The following COL21A1 variants were observed in gnomAD, a reference collection of about 807,000 sequenced individuals.
COL21A1 encodes collagen alpha-1(XXI) chain.
In COL21A1, 149 loss-of-function variants were observed where a neutral mutation model predicts 137.9. That is an observed-to-expected ratio of 1.08 (90% CI 0.95 to 1.24). The LOEUF is 1.24. COL21A1 is among the 50% of genes most tolerant of loss of function. The pLI is 0.00. For synonymous variants in COL21A1, 456 were observed against 391.5 expected (o/e 1.16, Z -1.95); for missense variants, 1,167 against 1,158.4 (o/e 1.01, Z -0.11).
chr6:56,058,519 C>T (rs192386479), intron 29 of COL21A1, among the ~76,000 whole-genome samples: 12 of 152,284 alleles, frequency 7.9e-5, no homozygotes, highest in Admixed American at 2.6e-4. Context: ...TACTCCTCTA[C>T]TCCCTGCTAC....
intron 16 of COL21A1, 60 bp from the exon 17 acceptor site, chr6:56,101,585 T>TTCTCTGC: frequency 9.2e-7 from 1 of 1,082,838 alleles, no homozygotes; most frequent in Non-Finnish European, 1.4e-6. Flanking sequence ...CTTACCAAAA[T>TTCTCTGC]AACAATATAT....
intron 1 of COL21A1, among the ~76,000 whole-genome samples, chr6:56,233,055 A>G (rs1489329209): frequency 6.6e-6 from 1 of 151,852 alleles, no homozygotes; most frequent in Non-Finnish European, 1.5e-5. Flanking sequence ...AATGAGGAAG[A>G]GTGGCCTCTT....
At chr6:56,060,422 A>G (rs1397184997) in intron 27 of COL21A1, 1 of 527,234 alleles carries the variant, frequency 1.9e-6, no homozygotes, top group East Asian at 3.4e-5. Flanking sequence ...CAATTGCTTA[A>G]AATAGGGGAA....
chr6:56,135,599 G>T (rs1773938317), intron 12 of COL21A1, among the ~76,000 whole-genome samples: 1 of 151,956 alleles, frequency 6.6e-6, no homozygotes, highest in South Asian at 2.1e-4. Context: ...TCACTTCCGA[G>T]GACTTTTCCT....
chr6:56,280,750 C>G (rs1224668616), intron 1 of COL21A1, among the ~76,000 whole-genome samples: 1 of 152,126 alleles, frequency 6.6e-6, no homozygotes, highest in Non-Finnish European at 1.5e-5. Context: ...CAGTGGCTCA[C>G]GACTATAATC....
intron 1 of COL21A1, among the ~76,000 whole-genome samples, chr6:56,325,228 A>G: frequency 4.3e-5 from 1 of 23,184 alleles, no homozygotes; most frequent in African/African-American, 1.3e-4. Flanking sequence ...CATGAACCTA[A>G]GATGAGGAAA....
chr6:56,161,100 C>A (rs1046101079), intron 9 of COL21A1, among the ~76,000 whole-genome samples: 1 of 152,128 alleles, frequency 6.6e-6, no homozygotes. Context: ...TTTCCAAAGG[C>A]TTTTGTGTTT....
At chr6:56,291,472 T>C (rs1388558709) in intron 1 of COL21A1, among the ~76,000 whole-genome samples, 2 of 152,220 alleles carry the variant, frequency 1.3e-5, no homozygotes, top group Non-Finnish European at 2.9e-5. Context: ...CTTCTCCCAC[T>C]TCTGGCCTTG....
At chr6:56,328,808 T>C (rs1765157924) in intron 1 of COL21A1, among the ~76,000 whole-genome samples, 1 of 151,856 alleles carries the variant, frequency 6.6e-6, no homozygotes, top group Admixed American at 6.6e-5. Context: ...GGGAGAAAAA[T>C]ACTAACTGGC....
At chr6:56,104,817 T>C (rs565587520) in intron 16 of COL21A1, among the ~76,000 whole-genome samples, 2 of 152,318 alleles carry the variant, frequency 1.3e-5, no homozygotes, top group East Asian at 3.9e-4. Context: ...TTGCATTCCA[T>C]GTGTATTTCC....
chr6:56,216,287 C>T (rs1199086631), intron 1 of COL21A1, among the ~76,000 whole-genome samples: 1 of 152,038 alleles, frequency 6.6e-6, no homozygotes, highest in East Asian at 1.9e-4. Context: ...ACATCCAACC[C>T]TACAGAGAGG....
At chr6:56,275,686 C>A (rs567863821) in intron 1 of COL21A1, among the ~76,000 whole-genome samples, 6 of 151,674 alleles carry the variant, frequency 4.0e-5, no homozygotes, top group African/African-American at 1.4e-4. Flanking sequence ...CCATCTCACA[C>A]CAGTCAGAAT....
chr6:56,086,427 G>GCC (rs772263625), intron 17 of COL21A1, among the ~76,000 whole-genome samples: 10,118 of 152,160 alleles, frequency 0.066, 389 homozygotes, highest in Admixed American at 0.11. Flanking sequence ...ATTAATACGT[G>GCC]TTTTGGATGT....
At chr6:56,382,420 C>A (rs546628277) in intron 1 of COL21A1, among the ~76,000 whole-genome samples, 1 of 152,188 alleles carries the variant, frequency 6.6e-6, no homozygotes, top group East Asian at 1.9e-4. Flanking sequence ...GAGATAGGTT[C>A]TCTGTTCTTC....
At chr6:56,347,143 A>G (rs1173298394) in intron 1 of COL21A1, among the ~76,000 whole-genome samples, 1 of 152,058 alleles carries the variant, frequency 6.6e-6, no homozygotes, top group Non-Finnish European at 1.5e-5. Context: ...TGGTCCATCT[A>G]CTTAGTCACA....
chr6:56,095,373 T>C (rs187428425), intron 17 of COL21A1, among the ~76,000 whole-genome samples: 76 of 152,252 alleles, frequency 5.0e-4, no homozygotes, highest in Admixed American at 1.0e-3. Flanking sequence ...TGCTAGTACC[T>C]GTTTAGTTCA....
intron 14 of COL21A1, 154 bp downstream of exon 14, chr6:56,125,412 CT>C (rs926194946): frequency 4.4e-4 from 206 of 462,928 alleles, no homozygotes; most frequent in Non-Finnish European, 5.6e-4. Context: ...CTCTTTTTTT[CT>C]TTTTTTTCTT....
chr6:56,164,165 G>A (rs1220522508), intron 9 of COL21A1, among the ~76,000 whole-genome samples: 1 of 151,946 alleles, frequency 6.6e-6, no homozygotes, highest in African/African-American at 2.4e-5. Context: ...GTATTTGGGG[G>A]AAAAAAACAA....
At chr6:56,391,504 A>C (rs912671953) in intron 1 of COL21A1, among the ~76,000 whole-genome samples, 1 of 152,064 alleles carries the variant, frequency 6.6e-6, no homozygotes, top group Non-Finnish European at 1.5e-5. Context: ...AAAGTTTTTT[A>C]AAAACCTTTT....
Sources: allele counts gnomAD v4.1 joint callset (sites outside exome capture counted in the v4.1 genomes callset), GRCh38; gene constraint gnomAD v4.1.1; transcripts MANE v1.5; gene names NCBI Gene and HGNC (gene_info 2026-07-23, HGNC 2026-07-21).